The following LRIG1 variants were observed in gnomAD, a reference collection of about 807,000 sequenced individuals.
The protein encoded by LRIG1 is leucine-rich repeats and immunoglobulin-like domains protein 1.
In LRIG1, 48 loss-of-function variants were observed where a neutral mutation model predicts 99.2. The observed-to-expected ratio is 0.48, with a 90% CI of 0.38 to 0.62. LRIG1 has a LOEUF of 0.62. LRIG1 is among the 20% of genes least tolerant of loss of function. The pLI is 0.00. For synonymous variants in LRIG1, 772 were observed against 596.1 expected (o/e 1.29, Z -4.30); for missense variants, 1,646 against 1,434.4 (o/e 1.15, Z -2.38).
At chr3:66,391,268 G>T (rs1333542932) in intron 12 of LRIG1, among the ~76,000 whole-genome samples, 1 of 152,154 alleles carries the variant, frequency 6.6e-6, no homozygotes, top group Non-Finnish European at 1.5e-5. Context: ...CCTCAAAAAA[G>T]CTGAGCACAG....
In LRIG1 at chr3:66,410,179, G is replaced by A. The variant is rs575760284; in HGVS notation, c.885C>T (p.Ile295=). 82 of 1,614,188 alleles carry A rather than the reference G, an allele frequency of 5.1e-5. No homozygotes were observed. The highest frequency in any genetic ancestry group is 6.7e-5 in the East Asian group (3 of 44,888). ...LHQLHLSNNS[I]ARIHRKGWSF... ...TCCAGCCCTTGCGGTGAATGCGAGCGATGGAATTGTTGCTGAGGTGGAGCT... is the reference window on the plus strand; with the variant it reads ...TCCAGCCCTTGCGGTGAATGCGAGCAATGGAATTGTTGCTGAGGTGGAGCT... Residue 295 remains isoleucine, a synonymous_variant, in exon 7 of 19, where the codon ATC becomes ATT. Transcript: ENST00000273261.
intron 2 of LRIG1, among the ~76,000 whole-genome samples, chr3:66,455,190 C>G (rs1481652678): frequency 1.3e-5 from 2 of 152,184 alleles, no homozygotes; most frequent in Non-Finnish European, 2.9e-5. Flanking sequence ...GGTGATCCGC[C>G]CTTCTCGGCC....
chr3:66,439,582 A>T (rs991269566), intron 3 of LRIG1, among the ~76,000 whole-genome samples: 1 of 150,660 alleles, frequency 6.6e-6, no homozygotes, highest in African/African-American at 2.4e-5. Context: ...TTTTAAAAAG[A>T]GCCAAGTCTT....
chr3:66,450,223 T>G (rs949891435), intron 3 of LRIG1, among the ~76,000 whole-genome samples: 5 of 152,152 alleles, frequency 3.3e-5, no homozygotes, highest in African/African-American at 1.2e-4. Flanking sequence ...AAACAGAGAC[T>G]GACTCTTAAA....
At chr3:66,403,179 G>C (rs995950828) in intron 9 of LRIG1, among the ~76,000 whole-genome samples, 4 of 151,984 alleles carry the variant, frequency 2.6e-5, no homozygotes, top group African/African-American at 4.8e-5. Context: ...GCCACTGCCC[G>C]TTCTCAAACC....
At position 66,378,882 on chromosome 3, in the gene LRIG1, C is replaced by G. The variant is rs183098067; in HGVS notation, c.*1381G>C. ...TATTTTACATGGTTTTCAATGTACACTGTACCAAAATTTCTATAAATAAAT... is the reference window on the plus strand; with the variant it reads ...TATTTTACATGGTTTTCAATGTACAGTGTACCAAAATTTCTATAAATAAAT... On this transcript the variant is annotated 3_prime_UTR_variant, in exon 19 of 19. Coordinates refer to ENST00000273261, the MANE Select transcript of LRIG1 (RefSeq NM_015541.3). The G allele has an allele frequency of 1.3e-5, 2 of 152,770 alleles. No individual in the cohort carries two copies. The highest frequency in any genetic ancestry group is 3.9e-4 in the East Asian group (2 of 5,188). 9.5% of individuals were successfully genotyped at this position (152,770 alleles called of 1,614,324 possible).
chr3:66,401,645 C>G (rs1179592802), intron 9 of LRIG1: 3 of 1,530,398 alleles, frequency 2.0e-6, no homozygotes, highest in African/African-American at 2.7e-5. Context: ...GGACGGGGAG[C>G]TGCAGCCAGC....
intron 1 of LRIG1, among the ~76,000 whole-genome samples, chr3:66,489,113 A>T (rs1701041382): frequency 6.6e-6 from 1 of 152,020 alleles, no homozygotes; most frequent in Admixed American, 6.6e-5. Context: ...TGGAGTATTC[A>T]CTCCTCCTCA....
rs775148095 is a variant in LRIG1 at position 66,417,245 on chromosome 3, G to A, written c.387C>T (p.Ser129=). ...AGGCCTTCAGCTGGCTCCCCTCCAC[G>A]CTGCGAATCTTGTTGTGCTGCCTGA... ...SLFLQHNKIR[S]VEGSQLKAYL... is the part of the protein sequence containing the mutation. The change falls in exon 4 of 19, where the codon AGC becomes AGT. Residue 129 remains serine (S), a synonymous_variant. Coordinates refer to ENST00000273261, the MANE Select transcript of LRIG1 (RefSeq NM_015541.3). 3 of 1,613,860 alleles carry A rather than the reference G, an allele frequency of 1.9e-6. No homozygotes were observed. The highest frequency in any genetic ancestry group is 1.7e-5 in the Admixed American group (1 of 59,996).
At chr3:66,402,389 G>A (rs939861569) in intron 9 of LRIG1, among the ~76,000 whole-genome samples, 10 of 148,542 alleles carry the variant, frequency 6.7e-5, no homozygotes, top group Admixed American at 3.4e-4. Context: ...CACCCTGCTG[G>A]GAAGCTCCAG....
chr3:66,465,357 A>ATTTTTTTTTTTTTTTTTTTTTTTTTTT (rs59148647), intron 1 of LRIG1, among the ~76,000 whole-genome samples: 1 of 67,728 alleles, frequency 1.5e-5, no homozygotes, highest in African/African-American at 4.9e-5. Context: ...TCTGAGCATA[A>ATTTTTTTTTTTTTTTTTTTTTTTTTTT]TTTTTTTTTT....
chr3:66,396,212 AG>A (rs1701843108), intron 11 of LRIG1, among the ~76,000 whole-genome samples: 1 of 152,190 alleles, frequency 6.6e-6, no homozygotes, highest in South Asian at 2.1e-4. Flanking sequence ...GTTCCTAAAC[AG>A]CAAGTTAGGA....
chr3:66,496,731 C>T (rs1420165906), intron 1 of LRIG1, among the ~76,000 whole-genome samples: 1 of 151,368 alleles, frequency 6.6e-6, no homozygotes, highest in African/African-American at 2.5e-5. Context: ...ATACAACAAT[C>T]TACTTTAAAA....
chr3:66,436,711 C>T (rs561113141), intron 3 of LRIG1, among the ~76,000 whole-genome samples: 1 of 152,256 alleles, frequency 6.6e-6, no homozygotes, highest in African/African-American at 2.4e-5. Context: ...GAAGTCTAAA[C>T]TTCATGGATG....
At chr3:66,488,474 C>CA (rs1332180757) in intron 1 of LRIG1, among the ~76,000 whole-genome samples, 1,905 of 132,458 alleles carry the variant, frequency 0.014, 52 homozygotes, top group African/African-American at 0.047. Flanking sequence ...TAAAAAAAAA[C>CA]AAAAAAAAAA....
chr3:66,448,094 CA>C (rs1450695198), intron 3 of LRIG1, among the ~76,000 whole-genome samples: 5 of 152,238 alleles, frequency 3.3e-5, no homozygotes, highest in African/African-American at 1.2e-4. Context: ...GAACACAATG[CA>C]AATAAATCTG....
intron 2 of LRIG1, 129 bp downstream of exon 2, chr3:66,462,309 A>G (rs1315847759): frequency 7.1e-6 from 5 of 700,774 alleles, no homozygotes; most frequent in Non-Finnish European, 1.3e-5. Context: ...AACACAGTCC[A>G]TACACAAATG....
chr3:66,471,552 C>T (rs1304663981), intron 1 of LRIG1, among the ~76,000 whole-genome samples: 2 of 152,224 alleles, frequency 1.3e-5, no homozygotes. Context: ...AGAGCAAAGG[C>T]TCATCCATCC....
intron 1 of LRIG1, among the ~76,000 whole-genome samples, chr3:66,468,621 G>T (rs1262271087): frequency 1.3e-5 from 2 of 152,126 alleles, no homozygotes; most frequent in East Asian, 1.9e-4. Flanking sequence ...AGCACCAGTG[G>T]GCACCCAGCT....
Sources: allele counts gnomAD v4.1 joint callset (sites outside exome capture counted in the v4.1 genomes callset), GRCh38; gene constraint gnomAD v4.1.1; transcripts MANE v1.5; gene names NCBI Gene and HGNC (gene_info 2026-07-23, HGNC 2026-07-21).